TMPO: variants seen among roughly 807,000 people sequenced by gnomAD.
TMPO encodes the protein LEM domain containing 4.
TMPO carries 22 observed loss-of-function variants against 45.4 expected under a neutral mutation model. The ratio of observed to expected loss-of-function variants is 0.48; its 90% CI spans 0.35 to 0.69. The LOEUF is 0.69. Ranked by LOEUF, TMPO falls within the 30% of genes least tolerant of loss-of-function variation. The pLI, the probability that TMPO is intolerant of heterozygous loss-of-function variation, is 0.01. For missense variants in TMPO, 512 were observed against 548.8 expected (o/e 0.93, Z 0.67); for synonymous variants, 241 against 204.1 (o/e 1.18, Z -1.54).
At chr12:98,529,587 A>G (rs1207899982) in intron 2 of TMPO, among the ~76,000 whole-genome samples, 2 of 151,292 alleles carry the variant, frequency 1.3e-5, no homozygotes, top group Non-Finnish European at 2.9e-5. Context: ...TTTTTTTGAC[A>G]AGGTCTTTGC....
Position 98,546,273 on chromosome 12 carries a change from T to C in TMPO, c.991-86T>C, listed in dbSNP as rs1487132639. On this transcript the variant is annotated intron_variant, in intron 7 of 8. Coordinates refer to ENST00000556029, the MANE Select transcript of TMPO (RefSeq NM_001032283.3). Reference sequence around the variant, plus strand: ...TGATAGATTTAAAGGCATTTTGTTCTCTAAAACTTACTATTTATGTTTTAA... The same window carrying C: ...TGATAGATTTAAAGGCATTTTGTTCCCTAAAACTTACTATTTATGTTTTAA... The C allele has an allele frequency of 2.5e-5, 23 of 921,182 alleles. No homozygotes were observed. The East Asian group carries it at 5.6e-4, about 22-fold the overall frequency. 57.1% of individuals were successfully genotyped at this position (921,182 alleles called of 1,614,324 possible).
At chr12:98,521,802 T>C (rs1462684050) in intron 1 of TMPO, among the ~76,000 whole-genome samples, 2 of 152,142 alleles carry the variant, frequency 1.3e-5, no homozygotes, top group Admixed American at 6.5e-5. Flanking sequence ...CGATCTCGGC[T>C]CACTGCAACC....
chr12:98,528,904 C>G lies in TMPO; in HGVS notation c.406+892C>G, dbSNP rs949644647. Among the ~76,000 whole-genome samples, 20 of 151,938 alleles carry G rather than the reference C, an allele frequency of 1.3e-4. 1 individual carries two copies. Among genetic ancestry groups the G allele is most frequent in the Admixed American group, 1.2e-3 (19 of 15,246 alleles). ...AGATGGTGGGGGGAAGTCAAAGTTG[C>G]AGTGAGCCGTGATGGCTACTGTACT... On this transcript the variant is annotated intron_variant, in intron 2 of 8. Transcript: ENST00000556029.
chr12:98,515,920 G>A lies in TMPO; in HGVS notation c.53G>A (p.Ser18Asn), dbSNP rs1461783616. Residue 18 changes from serine to asparagine, a missense_variant, in exon 1 of 9, where the codon AGT becomes AAT. Ser to Asn is a conservative substitution (Grantham distance 46). This residue lies in a region of TMPO where 299 missense variants were observed against 296.7 expected (regional missense o/e 1.01). Transcript: ENST00000556029. ...PSVLTKDKLK[S>N]ELVANNVTLP... is the part of the protein sequence containing the mutation. ...GTCCTGACAAAAGACAAGTTGAAGA[G>A]TGAGTTGGTCGCCAACAATGTGACG... 5 of 1,613,772 alleles carry A rather than the reference G, an allele frequency of 3.1e-6. No individual in the cohort carries two copies. The East Asian group carries it at 1.1e-4, about 36-fold the overall frequency.
At chr12:98,546,705 G>C (rs893176966) in intron 8 of TMPO, among the ~76,000 whole-genome samples, 1 of 152,112 alleles carries the variant, frequency 6.6e-6, no homozygotes, top group Non-Finnish European at 1.5e-5. Flanking sequence ...ATAAGTGAAC[G>C]AACTGTTCTT....
chr12:98,540,328 G>A (rs1046220587), intron 4 of TMPO, among the ~76,000 whole-genome samples: 5 of 152,154 alleles, frequency 3.3e-5, no homozygotes, highest in East Asian at 1.9e-4. Flanking sequence ...TGAATACTTC[G>A]ATGGTGACTA....
At chr12:98,535,129 GATA>G (rs1877490491) in intron 3 of TMPO, 2 of 984,930 alleles carry the variant, frequency 2.0e-6, no homozygotes, top group African/African-American at 1.7e-5. Flanking sequence ...CACTTCTTTG[GATA>G]ATAATAGATA....
rs1223337689 is a variant in TMPO, at chr12:98,515,990, C to T, written c.123C>T (p.Tyr41=). ...EQRKDVYVQL[Y]LQHLTARNRP... ...GCAAAGACGTGTACGTCCAGCTCTA[C>T]CTGCAGCACCTCACGGCTCGCAACC... The change falls in exon 1 of 9, where the codon TAC becomes TAT. Residue 41 remains tyrosine, a synonymous_variant. Transcript: ENST00000556029. 2 of 1,612,584 alleles carry T rather than the reference C, an allele frequency of 1.2e-6. No homozygotes were observed. The highest frequency in any genetic ancestry group is 1.7e-6 in the Non-Finnish European group (2 of 1,179,788).
rs1283860413 is a variant in TMPO, at chr12:98,549,661, G to A, written c.*1803G>A. 6.6e-6 allele frequency: 1 copy of A among 152,170 alleles called. No homozygotes were observed. Among genetic ancestry groups the A allele is most frequent in the Non-Finnish European group, 1.5e-5 (1 of 68,036 alleles). 9.4% of individuals were successfully genotyped at this position (152,170 alleles called of 1,614,324 possible). On this transcript the variant is annotated 3_prime_UTR_variant, in exon 9 of 9. Coordinates refer to ENST00000556029, the MANE Select transcript of TMPO (RefSeq NM_001032283.3). The stretch of plus-strand genomic sequence containing the variant: ...ATTGACCATAAAGCACACTAAAAAT[G>A]TAAGTTATTTTTAAATACATCTGAA...
At chr12:98,527,581 C>A in intron 1 of TMPO, 11 of 198,486 alleles carry the variant, frequency 5.5e-5, no homozygotes, top group Non-Finnish European at 1.0e-4. Context: ...GTCAGTTTTA[C>A]TTTTAGTTGC....
At position 98,537,555 on chromosome 12, in the gene TMPO, A is replaced by C. The variant is rs745838696; in HGVS notation, c.646A>C (p.Arg216=). Reference sequence around the variant, plus strand: ...GACTCCAGTAACACTCAAGCAAAGAAGAGTTGAGCACAATCAGGTATCTTT... The same window carrying C: ...GACTCCAGTAACACTCAAGCAAAGACGAGTTGAGCACAATCAGGTATCTTT... ...AKTPVTLKQR[R]VEHNQSYSQA... The change falls in exon 4 of 9, where the codon AGA becomes CGA. Residue 216 remains arginine, a synonymous_variant. Coordinates refer to ENST00000556029, the MANE Select transcript of TMPO (RefSeq NM_001032283.3). 9.9e-6 allele frequency: 16 copies of C among 1,612,992 alleles called. No individual in the cohort carries two copies. In the South Asian group the frequency reaches 1.6e-4, roughly 17 times the overall value.
rs902418117 is a variant in TMPO, at chr12:98,548,357, T to TTGA, written c.*502_*504dup. On this transcript the variant is annotated 3_prime_UTR_variant, in exon 9 of 9. Transcript: ENST00000556029. ...GTACTTTTTGTAACTGCAACAAAGTTTGATGGTGTTTATGAGGAAAAGTAC... is the reference window on the plus strand; with the variant it reads ...GTACTTTTTGTAACTGCAACAAAGTTTGATGATGGTGTTTATGAGGAAAAGTAC... 6.3e-6 allele frequency: 1 copy of TTGA among 159,348 alleles called. No individual in the cohort carries two copies. Among genetic ancestry groups the TTGA allele is most frequent in the Admixed American group, 6.2e-5 (1 of 16,058 alleles). 9.9% of individuals were successfully genotyped at this position (159,348 alleles called of 1,614,324 possible). A position where few individuals can be genotyped will look rare whatever the true frequency, so the allele number is the denominator to read the frequency against.
intron 1 of TMPO, among the ~76,000 whole-genome samples, chr12:98,517,090 C>G (rs551146244): frequency 7.4e-4 from 113 of 152,334 alleles, no homozygotes; most frequent in African/African-American, 2.6e-3. Context: ...GGATAACAGG[C>G]GTGAGCCACC....
At position 98,516,114 on chromosome 12, in the gene TMPO, G is replaced by A. The variant is rs1466573323; in HGVS notation, c.247G>A (p.Ala83Thr). Reference sequence around the variant, plus strand: ...CCCGGTCCTCGGCTCTGGGGCCGCCGCCGCGGGCCGGAGCCGAGCAGCCGT... The same window carrying A: ...CCCGGTCCTCGGCTCTGGGGCCGCCACCGCGGGCCGGAGCCGAGCAGCCGT... ...PTPVLGSGAA[A>T]AGRSRAAVGR... Residue 83 changes from alanine to threonine, a missense_variant, in exon 1 of 9, where the codon GCC becomes ACC. Physicochemically the swap from Ala to Thr is moderately conservative, Grantham distance 58. This residue lies in a region of TMPO where 299 missense variants were observed against 296.7 expected (regional missense o/e 1.01). Coordinates refer to ENST00000556029, the MANE Select transcript of TMPO (RefSeq NM_001032283.3). The A allele has an allele frequency of 6.6e-7, 1 of 1,521,216 alleles. No homozygotes were observed. The highest frequency in any genetic ancestry group is 1.2e-5 in the South Asian group (1 of 80,760). 94.2% of individuals were successfully genotyped at this position (1,521,216 alleles called of 1,614,324 possible).
chr12:98,540,815 A>T (rs777539772), intron 4 of TMPO, among the ~76,000 whole-genome samples: 1 of 152,252 alleles, frequency 6.6e-6, no homozygotes, highest in South Asian at 2.1e-4. Flanking sequence ...CTTAAATGAT[A>T]TAGCGGCCTT....
intron 3 of TMPO, chr12:98,533,216 G>T: frequency 6.2e-7 from 1 of 1,613,950 alleles, no homozygotes; most frequent in South Asian, 1.1e-5. Flanking sequence ...ACCACCACTG[G>T]TTACTATAAA....
At chr12:98,523,250 A>G (rs547172913) in intron 1 of TMPO, among the ~76,000 whole-genome samples, 18 of 152,202 alleles carry the variant, frequency 1.2e-4, no homozygotes, top group Admixed American at 7.2e-4. Context: ...TTTTTTCCTG[A>G]CAGATTAAAA....
chr12:98,533,378 C>G (rs759557168), intron 3 of TMPO: 3 of 1,614,180 alleles, frequency 1.9e-6, no homozygotes, highest in Non-Finnish European at 2.5e-6. Context: ...CCGCCACTTG[C>G]CCAGGCAATC....
chr12:98,531,061 C>A (rs1259008263), intron 2 of TMPO, among the ~76,000 whole-genome samples: 3 of 152,066 alleles, frequency 2.0e-5, no homozygotes, highest in African/African-American at 7.2e-5. Context: ...GCCTCAGCTT[C>A]CTGAGTGGCT....
Sources: allele counts gnomAD v4.1 joint callset (sites outside exome capture counted in the v4.1 genomes callset), GRCh38; gene constraint gnomAD v4.1.1; regional missense constraint gnomAD v4.1.1; transcripts MANE v1.5; gene names NCBI Gene and HGNC (gene_info 2026-07-23, HGNC 2026-07-21).